Variants in TNKS1BP1 observed in about 807,000 individuals in gnomAD.
The protein encoded by TNKS1BP1 is 182 kDa tankyrase-1-binding protein.
Under a neutral mutation model 141.1 loss-of-function variants are expected in TNKS1BP1, and 48 were observed. The observed-to-expected ratio is 0.34, with a 90% CI of 0.27 to 0.43. The LOEUF (loss-of-function observed/expected upper bound fraction) is 0.43. TNKS1BP1 is among the 20% of genes least tolerant of loss of function. The pLI is 1.00. For missense variants in TNKS1BP1, 2,149 were observed against 2,226.0 expected, an observed-to-expected ratio of 0.97 and a Z score of 0.70; for synonymous variants, 875 against 898.2, an observed-to-expected ratio of 0.97 and a Z score of 0.46.
intron 3 of TNKS1BP1, among the ~76,000 whole-genome samples, chr11:57,319,486 C>T (rs940005667): frequency 4.6e-5 from 7 of 151,978 alleles, no homozygotes; most frequent in Admixed American, 2.0e-4. Context: ...ACTTCTTGGC[C>T]GGGCGTGGTG....
rs61560469 is a variant in TNKS1BP1, at chr11:57,323,191, C to T, written c.-65-1241G>A. ...TTCAGTGTCACCAATGAGCTAACAT[C>T]CCTGATAACCACCTCCTCCTCTTCC... On this transcript the variant is annotated intron_variant, in intron 1 of 11. Transcript: ENST00000358252. Among the ~76,000 whole-genome samples, 1,270 of 152,230 alleles carry T rather than the reference C, an allele frequency of 8.3e-3. 17 individuals are homozygous for T. Among genetic ancestry groups the T allele is most frequent in the African/African-American group, 0.028 (1,179 of 41,522 alleles).
chr11:57,314,395 A>G (rs1855766755), intron 4 of TNKS1BP1, among the ~76,000 whole-genome samples: 1 of 152,212 alleles, frequency 6.6e-6, no homozygotes, highest in Non-Finnish European at 1.5e-5. Context: ...GGTGCCCCTC[A>G]TGGCACAGAA....
intron 6 of TNKS1BP1, among the ~76,000 whole-genome samples, chr11:57,307,742 T>C (rs571101012): frequency 2.0e-5 from 3 of 152,172 alleles, no homozygotes; most frequent in Non-Finnish European, 4.4e-5. Context: ...CAAAACCATC[T>C]CAGCTGGTTT....
Position 57,322,082 on chromosome 11 carries a change from G to A in TNKS1BP1, c.-65-132C>T, listed in dbSNP as rs34884234. On this transcript the variant is annotated intron_variant, in intron 1 of 11. Transcript: ENST00000358252. Reference sequence around the variant, plus strand: ...GAGAGAACTTGGAGTGGGGGGGGGGGGGTAGGAGGAGGTCAAGGGAGGTTC... The same window carrying A: ...GAGAGAACTTGGAGTGGGGGGGGGGAGGTAGGAGGAGGTCAAGGGAGGTTC... 110 of 693,198 alleles carry A rather than the reference G, an allele frequency of 1.6e-4. 7 individuals are homozygous for A. The highest frequency in any genetic ancestry group is 7.4e-4 in the African/African-American group (40 of 53,724). The allele number at this position is 693,198 out of a possible 1,614,324, so 42.9% of individuals were successfully genotyped here.
In TNKS1BP1 at chr11:57,313,576, G is replaced by A; in HGVS notation, c.1112C>T (p.Pro371Leu). The change falls in exon 5 of 12, where the codon CCC becomes CTC. Residue 371 changes from proline to leucine, a missense_variant. Transcript: ENST00000358252. Reference protein sequence around the residue: ...APEAPRPSSPPPEVLEPHSLD... With the variant: ...APEAPRPSSPLPEVLEPHSLD... ...GCTATGGGGCTCCAAGACCTCAGGG[G>A]GTGGGCTGCTGGGTCTGGGGGCCTC... 2 of 1,591,272 alleles carry A rather than the reference G, an allele frequency of 1.3e-6. No individual in the cohort carries two copies. The highest frequency in any genetic ancestry group is 1.7e-6 in the Non-Finnish European group (2 of 1,170,464).
chr11:57,321,210 C>G (rs926500526), intron 2 of TNKS1BP1, among the ~76,000 whole-genome samples: 18 of 152,160 alleles, frequency 1.2e-4, no homozygotes, highest in African/African-American at 4.3e-4. Context: ...CCTCCTCCCC[C>G]ACCCACAGCA....
chr11:57,312,233 A>G (rs7130308), intron 5 of TNKS1BP1, among the ~76,000 whole-genome samples: 3,944 of 152,262 alleles, frequency 0.026, 177 homozygotes, highest in African/African-American at 0.091. Flanking sequence ...TACCCACAAT[A>G]TAACTCTAAG....
chr11:57,300,388 C>G, intron 11 of TNKS1BP1, 140 bp downstream of exon 11: 1 of 731,676 alleles, frequency 1.4e-6, no homozygotes, highest in South Asian at 1.8e-5. Flanking sequence ...TACCGAGTCT[C>G]TGGAGCTTGG....
chr11:57,304,409 G>C (rs1472943699), intron 6 of TNKS1BP1, among the ~76,000 whole-genome samples: 1 of 152,206 alleles, frequency 6.6e-6, no homozygotes, highest in Non-Finnish European at 1.5e-5. Flanking sequence ...AGCAGAATTG[G>C]GAGCAGCCCT....
Position 57,309,022 on chromosome 11 carries a change from T to A in TNKS1BP1, c.3689A>T (p.Asp1230Val), listed in dbSNP as rs1430154343. The A allele has an allele frequency of 6.2e-7, 1 of 1,614,092 alleles. No homozygotes were observed. Among genetic ancestry groups the A allele is most frequent in the South Asian group, 1.1e-5 (1 of 91,076 alleles). The change falls in exon 6 of 12, where the codon GAT becomes GTT. Residue 1230 changes from aspartate (D) to valine (V), a missense_variant. Coordinates refer to ENST00000358252, the MANE Select transcript of TNKS1BP1 (RefSeq NM_033396.3). This position sits in a 1 kb window ranked among gnomAD's most constrained non-coding sequence, Gnocchi z 4.3. ...IGVGEKDWTSDVNVKSKDLAE... is the reference protein window; with the variant it reads ...IGVGEKDWTSVVNVKSKDLAE... The stretch of plus-strand genomic sequence containing the variant: ...CAAATCTTTGCTCTTCACATTAACA[T>A]CAGAAGTCCAGTCCTTCTCCCCAAC...
Position 57,312,794 on chromosome 11 carries a change from C to T in TNKS1BP1, c.1894G>A (p.Val632Ile), listed in dbSNP as rs776204872. 1 of 1,611,598 alleles carries T rather than the reference C, an allele frequency of 6.2e-7. No individual in the cohort carries two copies. The highest frequency in any genetic ancestry group is 1.1e-5 in the South Asian group (1 of 90,646). ...GGCTCAGGGGCATCAGCAAAGAGAA[C>T]ACAGGGCTGGTCAGGGGCTGCTGGC... is the stretch of plus-strand genomic sequence containing the variant. ...EQPAAPDQPC[V>I]LFADAPEPGQ... Residue 632 changes from valine to isoleucine, a missense_variant, in exon 5 of 12, where the codon GTT becomes ATT. By Grantham distance (29) the Val-to-Ile change is conservative. Transcript: ENST00000358252.
At chr11:57,317,181 C>T (rs182400314) in intron 4 of TNKS1BP1, among the ~76,000 whole-genome samples, 160 of 152,360 alleles carry the variant, frequency 1.1e-3, no homozygotes, top group African/African-American at 3.6e-3. Flanking sequence ...TCCTAACAGG[C>T]GCTCAGTCAC....
chr11:57,317,901 G>C lies in TNKS1BP1; in HGVS notation c.729-14C>G, dbSNP rs1490966120. The C allele has an allele frequency of 2.5e-6, 4 of 1,612,792 alleles. No homozygotes were observed. The highest frequency in any genetic ancestry group is 1.7e-5 in the Admixed American group (1 of 59,996). On this transcript the variant is annotated splice_polypyrimidine_tract_variant and intron_variant, in intron 3 of 11. Coordinates refer to ENST00000358252, the MANE Select transcript of TNKS1BP1 (RefSeq NM_033396.3). ...GAAGGAAGGCTCCTGTGAGGGACGA[G>C]GACAGGAAATGGAAGCACGGAATGT... is the stretch of plus-strand genomic sequence containing the variant.
In TNKS1BP1 at chr11:57,308,884, A is replaced by C. The variant is rs1855656055; in HGVS notation, c.3827T>G (p.Val1276Gly). Residue 1276 changes from valine (V) to glycine (G), a missense_variant, in exon 6 of 12, where the codon GTT (valine) becomes GGT (glycine). Transcript: ENST00000358252. ...GTCAGGTGTCCAGTCTGCCTGTCCA[A>C]CTCCACGCTCCCTTGATTTAAGGAA... ...GEFLKSRERG[V>G]GQADWTPDLG... 1 of 1,613,150 alleles carries C rather than the reference A, an allele frequency of 6.2e-7. No homozygotes were observed. The highest frequency in any genetic ancestry group is 8.5e-7 in the Non-Finnish European group (1 of 1,179,788).
At chr11:57,304,796 C>A (rs767734257) in intron 6 of TNKS1BP1, among the ~76,000 whole-genome samples, 1 of 135,894 alleles carries the variant, frequency 7.4e-6, no homozygotes, top group South Asian at 2.5e-4. Flanking sequence ...CGCTTGAACC[C>A]GGGTGGTGGA....
At chr11:57,324,686 G>A (rs996758606) in intron 1 of TNKS1BP1, among the ~76,000 whole-genome samples, 154 bp downstream of exon 1, 2 of 151,722 alleles carry the variant, frequency 1.3e-5, no homozygotes, top group Non-Finnish European at 2.9e-5. Context: ...CGTCCCCAGC[G>A]CCCTCGGCCC....
rs139621627 is a variant in TNKS1BP1 at position 57,308,513 on chromosome 11, C to T, written c.4198G>A (p.Gly1400Arg). 6.2e-6 allele frequency: 10 copies of T among 1,614,200 alleles called. No individual in the cohort carries two copies. The highest frequency in any genetic ancestry group is 8.5e-6 in the Non-Finnish European group (10 of 1,180,034). ...TCTGGCCCACTTGTCTCACCAACCC[C>T]CAGCTCCCTGGCCTCCAAGGGGTCT... is the stretch of plus-strand genomic sequence containing the variant. ...ARDPLEAREL[G>R]VGETSGPETQ... The change falls in exon 6 of 12, where the codon GGG becomes AGG. Residue 1400 changes from glycine to arginine, a missense_variant. Coordinates refer to ENST00000358252, the MANE Select transcript of TNKS1BP1 (RefSeq NM_033396.3).
chr11:57,305,330 C>A (rs1227258828), intron 6 of TNKS1BP1, among the ~76,000 whole-genome samples: 1 of 152,222 alleles, frequency 6.6e-6, no homozygotes, highest in Non-Finnish European at 1.5e-5. Flanking sequence ...ATAGTTAGCA[C>A]TTGACAAATA....
intron 1 of TNKS1BP1, among the ~76,000 whole-genome samples, chr11:57,323,323 G>A (rs957810356): frequency 2.6e-5 from 4 of 151,968 alleles, no homozygotes; most frequent in African/African-American, 7.3e-5. Flanking sequence ...TTCCCATCCT[G>A]ACTCCTGAAG....
Sources: allele counts gnomAD v4.1 joint callset (sites outside exome capture counted in the v4.1 genomes callset), GRCh38; gene constraint gnomAD v4.1.1; non-coding constraint Gnocchi (gnomAD v3.1); transcripts MANE v1.5; gene names NCBI Gene and HGNC (gene_info 2026-07-23, HGNC 2026-07-21).